Variants in CCSER1 observed in about 807,000 individuals in gnomAD.
The protein encoded by CCSER1 is coiled-coil serine rich protein 1.
In CCSER1, 41 loss-of-function variants were observed where a neutral mutation model predicts 82.0. That is an observed-to-expected ratio of 0.50 (90% CI 0.39 to 0.65). The LOEUF is 0.65. Ranked by LOEUF, CCSER1 falls within the 30% of genes least tolerant of loss-of-function variation. CCSER1 has a pLI of 0.00. For missense variants in CCSER1, 1,119 were observed against 1,064.2 expected, an observed-to-expected ratio of 1.05 and a Z score of -0.72; for synonymous variants, 414 against 383.9, an observed-to-expected ratio of 1.08 and a Z score of -0.92.
chr4:90,562,190 CAA>C (rs35279708), intron 5 of CCSER1, among the ~76,000 whole-genome samples: 88 of 56,966 alleles, frequency 1.5e-3, no homozygotes, highest in African/African-American at 2.4e-3. Flanking sequence ...AACTCCATCT[CAA>C]AAAAAAAAAA....
chr4:90,204,106 G>C (rs1738301420), intron 1 of CCSER1, among the ~76,000 whole-genome samples: 1 of 152,132 alleles, frequency 6.6e-6, no homozygotes. Context: ...TTGTCAGATG[G>C]ATAGATTGCA....
intron 10 of CCSER1, among the ~76,000 whole-genome samples, chr4:91,569,778 ACCATATCATTCTG>A (rs1472207794): frequency 6.6e-6 from 1 of 152,188 alleles, no homozygotes; most frequent in African/African-American, 2.4e-5. Flanking sequence ...ACACAGCCGA[ACCATATCATTCTG>A]CCCCTGCCTC....
chr4:90,351,224 TACAG>T (rs2153512105), intron 3 of CCSER1, among the ~76,000 whole-genome samples: 1 of 152,202 alleles, frequency 6.6e-6, no homozygotes, highest in East Asian at 1.9e-4. Context: ...TAAATCCAAA[TACAG>T]AGAGAAATTC....
intron 5 of CCSER1, among the ~76,000 whole-genome samples, chr4:90,479,853 T>C (rs1417486906): frequency 6.6e-6 from 1 of 152,228 alleles, no homozygotes; most frequent in African/African-American, 2.4e-5. Context: ...GCATGTGTCT[T>C]TATAGCAGCA....
intron 10 of CCSER1, among the ~76,000 whole-genome samples, chr4:91,132,496 A>G (rs570235158): frequency 3.2e-4 from 48 of 152,316 alleles, no homozygotes; most frequent in African/African-American, 9.9e-4. Flanking sequence ...TGCAATTAAA[A>G]TGAGATCTGA....
At chr4:91,414,620 G>A (rs1200137858) in intron 10 of CCSER1, among the ~76,000 whole-genome samples, 1 of 152,060 alleles carries the variant, frequency 6.6e-6, no homozygotes, top group African/African-American at 2.4e-5. Flanking sequence ...AAGATGTAGA[G>A]TGGCCAAAAG....
intron 10 of CCSER1, among the ~76,000 whole-genome samples, chr4:91,277,936 C>T (rs1742612655): frequency 6.6e-6 from 1 of 151,878 alleles, no homozygotes; most frequent in African/African-American, 2.4e-5. Context: ...GCTTCCTTGA[C>T]CCAATGGTTA....
intron 8 of CCSER1, among the ~76,000 whole-genome samples, chr4:90,911,676 C>T (rs1026200994): frequency 1.3e-5 from 2 of 152,136 alleles, no homozygotes; most frequent in African/African-American, 2.4e-5. Flanking sequence ...TGAAGCAGGG[C>T]GAGGCATCGC....
intron 10 of CCSER1, among the ~76,000 whole-genome samples, chr4:91,442,262 A>AT (rs1371059007): frequency 3.9e-5 from 6 of 151,934 alleles, no homozygotes. Context: ...TGGTACTGGT[A>AT]CCAAAACAGA....
intron 1 of CCSER1, among the ~76,000 whole-genome samples, chr4:90,217,262 T>A (rs1255947645): frequency 6.6e-6 from 1 of 152,130 alleles, no homozygotes; most frequent in African/African-American, 2.4e-5. Context: ...AGTGGTGCGA[T>A]CTCGGCTCAC....
chr4:90,428,493 TTAAGTG>T (rs1228630823), intron 4 of CCSER1, among the ~76,000 whole-genome samples: 1 of 151,880 alleles, frequency 6.6e-6, no homozygotes, highest in Non-Finnish European at 1.5e-5. Context: ...ATTTGGTATG[TTAAGTG>T]TATTATATGC....
At chr4:91,304,077 C>A (rs1744869179) in intron 10 of CCSER1, among the ~76,000 whole-genome samples, 1 of 151,906 alleles carries the variant, frequency 6.6e-6, no homozygotes, top group Admixed American at 6.6e-5. Flanking sequence ...CTATATTAAA[C>A]CATCTTTTGC....
chr4:91,294,916 G>A (rs780177911), intron 10 of CCSER1, among the ~76,000 whole-genome samples: 1 of 151,934 alleles, frequency 6.6e-6, no homozygotes, highest in African/African-American at 2.4e-5. Flanking sequence ...CAATGCCAGA[G>A]TCAGAATTCA....
intron 10 of CCSER1, among the ~76,000 whole-genome samples, chr4:91,154,744 G>C (rs1258434576): frequency 1.3e-5 from 2 of 151,980 alleles, no homozygotes; most frequent in African/African-American, 4.8e-5. Flanking sequence ...ACTGGATAAT[G>C]ATAAGAGCTT....
intron 10 of CCSER1, among the ~76,000 whole-genome samples, chr4:91,184,688 G>T (rs959973483): frequency 6.6e-6 from 1 of 152,160 alleles, no homozygotes; most frequent in East Asian, 1.9e-4. Flanking sequence ...GGTTCTGGAG[G>T]CTTAACAATG....
chr4:91,009,161 A>G (rs1433647351), intron 9 of CCSER1, among the ~76,000 whole-genome samples: 1 of 152,162 alleles, frequency 6.6e-6, no homozygotes, highest in Non-Finnish European at 1.5e-5. Context: ...CAGCAAGACA[A>G]AAGCTCAGCT....
chr4:90,452,282 C>T (rs1305645296), intron 4 of CCSER1, among the ~76,000 whole-genome samples: 2 of 152,190 alleles, frequency 1.3e-5, no homozygotes, highest in East Asian at 1.9e-4. Context: ...TCCCCAGCTT[C>T]GTCTGGGAGG....
At chr4:91,162,243 G>T (rs926635955) in intron 10 of CCSER1, among the ~76,000 whole-genome samples, 1 of 152,094 alleles carries the variant, frequency 6.6e-6, no homozygotes, top group Non-Finnish European at 1.5e-5. Flanking sequence ...TTATTGATTT[G>T]CATATGTTGA....
chr4:90,635,486 A>G (rs1207722118), intron 6 of CCSER1, among the ~76,000 whole-genome samples: 1 of 151,788 alleles, frequency 6.6e-6, no homozygotes, highest in Non-Finnish European at 1.5e-5. Flanking sequence ...AGAAAGCTGA[A>G]AGGAAATTTT....
Sources: allele counts gnomAD v4.1 joint callset (sites outside exome capture counted in the v4.1 genomes callset), GRCh38; gene constraint gnomAD v4.1.1; transcripts MANE v1.5; gene names NCBI Gene and HGNC (gene_info 2026-07-23, HGNC 2026-07-21).